Variants in SIK3 observed in about 807,000 individuals in gnomAD.
The protein encoded by SIK3 is serine/threonine-protein kinase SIK3.
SIK3 carries 28 observed loss-of-function variants against 144.2 expected under a neutral mutation model. That is an observed-to-expected ratio of 0.19 (90% CI 0.14 to 0.27). SIK3 has a LOEUF of 0.27. Among genes scored for constraint, SIK3 ranks in the 10% least tolerant of loss-of-function variants. SIK3 has a pLI of 1.00. For synonymous variants in SIK3, 686 were observed against 676.3 expected, an observed-to-expected ratio of 1.01 and a Z score of -0.22; for missense variants, 1,319 against 1,776.0, an observed-to-expected ratio of 0.74 and a Z score of 4.62.
chr11:117,050,305 C>T (rs982465879), intron 1 of SIK3, among the ~76,000 whole-genome samples: 1 of 149,920 alleles, frequency 6.7e-6, no homozygotes, highest in African/African-American at 2.5e-5. Flanking sequence ...CACACACACA[C>T]AAAAAGATAT....
chr11:116,877,075 T>C, intron 6 of SIK3, 33 bp from the exon 7 acceptor site: 1 of 1,595,570 alleles, frequency 6.3e-7, no homozygotes, highest in South Asian at 1.1e-5. Flanking sequence ...CTTCAGTCTC[T>C]GGTGAGGGGA....
intron 1 of SIK3, among the ~76,000 whole-genome samples, chr11:117,089,654 A>C (rs1050697606): frequency 2.0e-5 from 3 of 152,188 alleles, no homozygotes; most frequent in African/African-American, 7.2e-5. Flanking sequence ...GGGGGGAGCT[A>C]TGAAAAGTAA....
chr11:117,072,377 C>T (rs1206840691), intron 1 of SIK3, among the ~76,000 whole-genome samples: 1 of 152,006 alleles, frequency 6.6e-6, no homozygotes, highest in Non-Finnish European at 1.5e-5. Flanking sequence ...AAGAGCAAAA[C>T]TCCGTCTCAA....
chr11:116,905,313 T>A (rs762974300), intron 4 of SIK3, among the ~76,000 whole-genome samples: 1 of 152,260 alleles, frequency 6.6e-6, no homozygotes, highest in African/African-American at 2.4e-5. Context: ...CTGAATAACA[T>A]CCATGGTATG....
rs35915801 is a variant in SIK3 at position 116,945,380 on chromosome 11, CT to C, written c.454+8663del. ...ATCTAGACCTGTAGCTTCATGAATT[CT>C]TTTTTTTTTTTTTTTTTTTTTTTAA... On this transcript the variant is annotated intron_variant, in intron 3 of 24. Transcript: ENST00000445177. Among the ~76,000 whole-genome samples, 416 of 95,382 alleles carry C rather than the reference CT, an allele frequency of 4.4e-3. 2 individuals are homozygous for C. The highest frequency in any genetic ancestry group is 0.014 in the Middle Eastern group (2 of 142). 62.6% of individuals were successfully genotyped at this position (95,382 alleles called of 152,430 possible).
chr11:116,908,302 C>A (rs940594163), intron 4 of SIK3, among the ~76,000 whole-genome samples: 1 of 152,024 alleles, frequency 6.6e-6, no homozygotes, highest in African/African-American at 2.4e-5. Context: ...TACAGGGAGA[C>A]CTCGTCTTCA....
At chr11:117,059,265 G>C (rs1245310902) in intron 1 of SIK3, among the ~76,000 whole-genome samples, 1 of 152,094 alleles carries the variant, frequency 6.6e-6, no homozygotes, top group East Asian at 1.9e-4. Context: ...GACATTAAAG[G>C]CATACAAAAT....
chr11:116,914,206 ATTTTTTT>A (rs34155083), intron 4 of SIK3, among the ~76,000 whole-genome samples: 1 of 134,000 alleles, frequency 7.5e-6, no homozygotes, highest in South Asian at 2.4e-4. Flanking sequence ...CCCCTTCTCA[ATTTTTTT>A]TTTTTTTTTT....
intron 1 of SIK3, among the ~76,000 whole-genome samples, chr11:116,965,746 T>TGA (rs1949509178): frequency 1.8e-4 from 1 of 5,422 alleles, no homozygotes; most frequent in African/African-American, 4.3e-4. Flanking sequence ...TATATATATA[T>TGA]ATATATATAT....
intron 15 of SIK3, among the ~76,000 whole-genome samples, chr11:116,866,732 G>A (rs770221078): frequency 3.4e-4 from 51 of 152,196 alleles, no homozygotes; most frequent in Admixed American, 9.2e-4. Flanking sequence ...GAACCACCGT[G>A]CCTGGCCTCA....
In SIK3 at chr11:116,890,404, T is replaced by C. The variant is rs562352823; in HGVS notation, c.865+5849A>G. Among the ~76,000 whole-genome samples, 143 of 152,324 alleles carry C rather than the reference T, an allele frequency of 9.4e-4. 1 individual carries two copies. The highest frequency in any genetic ancestry group is 3.3e-3 in the African/African-American group (139 of 41,572). Reference sequence around the variant, plus strand: ...AATGACAGCTGTGCCTTGTAGGCCATAGTAATAATGACTCCTTGAATTTTA... The same window carrying C: ...AATGACAGCTGTGCCTTGTAGGCCACAGTAATAATGACTCCTTGAATTTTA... On this transcript the variant is annotated intron_variant, in intron 6 of 24. Transcript: ENST00000445177.
At chr11:117,046,169 G>A (rs549962245) in intron 1 of SIK3, among the ~76,000 whole-genome samples, 1 of 152,318 alleles carries the variant, frequency 6.6e-6, no homozygotes, top group Admixed American at 6.5e-5. Context: ...GCACATATGA[G>A]CTAAACTACC....
chr11:116,980,037 G>A (rs1447510140), intron 1 of SIK3, among the ~76,000 whole-genome samples: 1 of 151,956 alleles, frequency 6.6e-6, no homozygotes, highest in Admixed American at 6.6e-5. Context: ...CCATTTTCCA[G>A]TTCATTAATT....
intron 3 of SIK3, among the ~76,000 whole-genome samples, chr11:116,927,752 A>G (rs1947354649): frequency 6.6e-6 from 1 of 152,170 alleles, no homozygotes; most frequent in Non-Finnish European, 1.5e-5. Flanking sequence ...TATCAGAAAT[A>G]TTTCCTGTGT....
At chr11:117,086,994 C>CAAAAA (rs907856897) in intron 1 of SIK3, among the ~76,000 whole-genome samples, 1 of 66,744 alleles carries the variant, frequency 1.5e-5, no homozygotes. Flanking sequence ...GACTCCATCT[C>CAAAAA]AAAAAAAAAA....
intron 1 of SIK3, among the ~76,000 whole-genome samples, chr11:116,959,711 GA>G (rs1949272258): frequency 6.6e-6 from 1 of 152,132 alleles, no homozygotes; most frequent in African/African-American, 2.4e-5. Flanking sequence ...GGTAAACAGA[GA>G]TTGTGTGGCT....
At chr11:116,908,784 G>A (rs1165123482) in intron 4 of SIK3, among the ~76,000 whole-genome samples, 1 of 152,126 alleles carries the variant, frequency 6.6e-6, no homozygotes, top group Non-Finnish European at 1.5e-5. Context: ...CACTGGAGAG[G>A]ACATGGAGCA....
chr11:116,997,560 T>C (rs1950712571), intron 1 of SIK3, among the ~76,000 whole-genome samples: 1 of 152,206 alleles, frequency 6.6e-6, no homozygotes, highest in African/African-American at 2.4e-5. Flanking sequence ...GAAGCAAACA[T>C]TTATTAATTT....
chr11:117,046,428 A>G (rs1952968785), intron 1 of SIK3, among the ~76,000 whole-genome samples: 1 of 152,236 alleles, frequency 6.6e-6, no homozygotes, highest in Non-Finnish European at 1.5e-5. Flanking sequence ...ATGGGGGGAA[A>G]AAGGTGTCTC....
Sources: gnomAD v4.1 joint callset for allele counts (sites outside exome capture counted in the v4.1 genomes callset) on GRCh38, gnomAD v4.1.1 for gene constraint, MANE v1.5 for transcripts, NCBI Gene and HGNC (gene_info 2026-07-23, HGNC 2026-07-21) for gene names.